The following ZNF804B variants were observed in gnomAD, a reference collection of about 807,000 sequenced individuals.
ZNF804B encodes the protein zinc finger 804B.
A neutral mutation model predicts 101.4 loss-of-function variants in ZNF804B; 80 were observed. The observed-to-expected ratio is 0.79, with a 90% confidence interval of 0.66 to 0.95. The LOEUF (loss-of-function observed/expected upper bound fraction) is 0.95, where lower values mean the gene tolerates loss of function less well. Among genes scored for constraint, ZNF804B ranks in the 40% least tolerant of loss-of-function variants. ZNF804B has a pLI of 0.00. For synonymous variants in ZNF804B, 622 were observed against 558.8 expected, an observed-to-expected ratio of 1.11 and a Z score of -1.59; for missense variants, 1,673 against 1,561.9, an observed-to-expected ratio of 1.07 and a Z score of -1.20.
chr7:89,208,138 G>A (rs1401898425), intron 1 of ZNF804B, among the ~76,000 whole-genome samples: 13 of 147,714 alleles, frequency 8.8e-5, no homozygotes, highest in Admixed American at 8.3e-4. Context: ...CTGGAGTGCA[G>A]TGGCACAATC....
At chr7:88,827,030 T>C in intron 1 of ZNF804B, among the ~76,000 whole-genome samples, 1 of 152,112 alleles carries the variant, frequency 6.6e-6, no homozygotes, top group East Asian at 1.9e-4. Context: ...GAAAATTGTG[T>C]AGATAAATAT....
chr7:88,878,223 C>G (rs896407691), intron 1 of ZNF804B, among the ~76,000 whole-genome samples: 2 of 152,062 alleles, frequency 1.3e-5, no homozygotes, highest in Non-Finnish European at 2.9e-5. Context: ...TTTTTTATGA[C>G]AAGGGTTTTG....
chr7:88,987,717 G>A (rs1482669854), intron 1 of ZNF804B, among the ~76,000 whole-genome samples: 1 of 151,952 alleles, frequency 6.6e-6, no homozygotes, highest in Non-Finnish European at 1.5e-5. Context: ...GGGTAATTGG[G>A]ATATCCATCA....
intron 2 of ZNF804B, among the ~76,000 whole-genome samples, chr7:89,295,156 T>C (rs1229532971): frequency 6.6e-6 from 1 of 152,188 alleles, no homozygotes; most frequent in Admixed American, 6.5e-5. Context: ...TATCTGGGGA[T>C]TCTGATAGTT....
At position 89,090,006 on chromosome 7, in the gene ZNF804B, C is replaced by T. The variant is rs115970780; in HGVS notation, c.109-128149C>T. On this transcript the variant is annotated intron_variant, in intron 1 of 3. Coordinates refer to ENST00000333190, the MANE Select transcript of ZNF804B (RefSeq NM_181646.5). Reference sequence around the variant, plus strand: ...ATTTTAAAAGTAGTTGTTACATTTACGGACAGTAAAATAAATAGATCTGGC... The same window carrying T: ...ATTTTAAAAGTAGTTGTTACATTTATGGACAGTAAAATAAATAGATCTGGC... Among the ~76,000 whole-genome samples, 342 of 152,126 alleles carry T rather than the reference C, an allele frequency of 2.2e-3. 2 individuals are homozygous for T. The highest frequency in any genetic ancestry group is 7.8e-3 in the African/African-American group (325 of 41,532).
intron 1 of ZNF804B, among the ~76,000 whole-genome samples, chr7:88,956,673 TA>T (rs1793315415): frequency 6.6e-6 from 1 of 151,486 alleles, no homozygotes; most frequent in Non-Finnish European, 1.5e-5. Flanking sequence ...GATAGTTTTT[TA>T]ATATGATGGA....
Position 88,854,414 on chromosome 7 carries a change from C to CCTTTCTCTTT in ZNF804B, c.108+94336_108+94337insCTTTCTTTCT, listed in dbSNP as rs1554340150. Among the ~76,000 whole-genome samples the CCTTTCTCTTT allele has an allele frequency of 1.2e-4, 7 of 57,114 alleles. 1 individual carries two copies. Among genetic ancestry groups the CCTTTCTCTTT allele is most frequent in the African/African-American group, 4.4e-4 (7 of 15,946 alleles). 37.5% of individuals were successfully genotyped at this position (57,114 alleles called of 152,430 possible). On this transcript the variant is annotated intron_variant, in intron 1 of 3. Coordinates refer to ENST00000333190, the MANE Select transcript of ZNF804B (RefSeq NM_181646.5). ...TTCTTTCTTTCTTTCTTTCTTTCTT[C>CCTTTCTCTTT]CTTTCTTTCTTTCTTTCTTTCTTTC...
intron 2 of ZNF804B, among the ~76,000 whole-genome samples, chr7:89,297,206 C>A (rs1175471977): frequency 6.6e-6 from 1 of 151,982 alleles, no homozygotes; most frequent in Non-Finnish European, 1.5e-5. Context: ...TTAATGGCTT[C>A]CTACTAAGTT....
At chr7:88,871,039 A>C (rs1441201898) in intron 1 of ZNF804B, among the ~76,000 whole-genome samples, 1 of 152,228 alleles carries the variant, frequency 6.6e-6, no homozygotes, top group East Asian at 1.9e-4. Context: ...TTTTTCTATT[A>C]AAAGATTGAT....
At chr7:88,979,409 T>C (rs1400521540) in intron 1 of ZNF804B, among the ~76,000 whole-genome samples, 2 of 151,898 alleles carry the variant, frequency 1.3e-5, no homozygotes, top group African/African-American at 2.4e-5. Flanking sequence ...TGGGAAAGTC[T>C]TTATTTCTCT....
intron 1 of ZNF804B, among the ~76,000 whole-genome samples, chr7:89,036,102 T>C (rs1456022273): frequency 6.7e-6 from 1 of 149,582 alleles, no homozygotes; most frequent in African/African-American, 2.4e-5. Flanking sequence ...CTCACTGCAA[T>C]TGAACATTCA....
chr7:89,279,549 T>C (rs1186337903), intron 2 of ZNF804B, among the ~76,000 whole-genome samples: 2 of 151,552 alleles, frequency 1.3e-5, no homozygotes, highest in Admixed American at 1.3e-4. Flanking sequence ...TTATTGAGAG[T>C]TTTTAGCATG....
rs182419050 is a variant in ZNF804B, at chr7:89,221,224, C to A, written c.249+2929C>A. Among the ~76,000 whole-genome samples, 41 of 151,980 alleles carry A rather than the reference C, an allele frequency of 2.7e-4. No homozygotes were observed. The East Asian group carries it at 5.4e-3, about 20-fold the overall frequency. ...TATTTATAAAATGATGATTCAAATT[C>A]TTTTACCCCTGCTACATATATTAGA... On this transcript the variant is annotated intron_variant, in intron 2 of 3. Transcript: ENST00000333190.
At chr7:88,826,506 T>C (rs992871433) in intron 1 of ZNF804B, among the ~76,000 whole-genome samples, 13 of 152,140 alleles carry the variant, frequency 8.5e-5, no homozygotes, top group Non-Finnish European at 1.5e-4. Context: ...GAAAACCTAA[T>C]GATAATGACT....
intron 1 of ZNF804B, among the ~76,000 whole-genome samples, chr7:89,201,378 C>T (rs191158880): frequency 1.3e-5 from 2 of 152,086 alleles, no homozygotes; most frequent in Admixed American, 1.3e-4. Context: ...TCGAAGTGAA[C>T]TCAGGACATA....
At chr7:88,976,013 T>C (rs764861279) in intron 1 of ZNF804B, among the ~76,000 whole-genome samples, 1 of 151,744 alleles carries the variant, frequency 6.6e-6, no homozygotes, top group Non-Finnish European at 1.5e-5. Flanking sequence ...CCAGTGCCAT[T>C]TATTGAAGAG....
chr7:88,897,061 A>G (rs1336570127), intron 1 of ZNF804B, among the ~76,000 whole-genome samples: 1 of 152,200 alleles, frequency 6.6e-6, no homozygotes, highest in Non-Finnish European at 1.5e-5. Context: ...TGTTGATATT[A>G]TTACTCTTAC....
intron 1 of ZNF804B, among the ~76,000 whole-genome samples, chr7:89,193,094 G>A (rs891323802): frequency 2.0e-5 from 3 of 152,014 alleles, no homozygotes; most frequent in African/African-American, 4.8e-5. Flanking sequence ...GCAAAAGACA[G>A]GGATGCCCTC....
chr7:89,153,524 A>C (rs1398350310), intron 1 of ZNF804B, among the ~76,000 whole-genome samples: 1 of 151,716 alleles, frequency 6.6e-6, no homozygotes, highest in Non-Finnish European at 1.5e-5. Context: ...CCAAGAGCAA[A>C]AATGAATTTC....
Sources: allele counts gnomAD v4.1 joint callset (sites outside exome capture counted in the v4.1 genomes callset), GRCh38; gene constraint gnomAD v4.1.1; transcripts MANE v1.5; gene names NCBI Gene and HGNC (gene_info 2026-07-23, HGNC 2026-07-21).